Variants in TOMM40L observed in about 807,000 individuals in gnomAD.
The protein encoded by TOMM40L is translocase of outer mitochondrial membrane 40 like, also known as mitochondrial import receptor subunit TOM40B.
In TOMM40L, 17 loss-of-function variants were observed where a neutral mutation model predicts 38.3. The ratio of observed to expected loss-of-function variants is 0.44; its 90% CI spans 0.30 to 0.67. The LOEUF (loss-of-function observed/expected upper bound fraction) is 0.67. TOMM40L is among the 30% of genes least tolerant of loss of function. The pLI is 0.08. For synonymous variants in TOMM40L, 151 were observed against 150.2 expected (o/e 1.01, Z -0.04); for missense variants, 294 against 390.0 (o/e 0.75, Z 2.07).
At chr1:161,226,716 T>G in intron 2 of TOMM40L, 112 bp downstream of exon 2, 1 of 1,316,338 alleles carries the variant, frequency 7.6e-7, no homozygotes, top group Non-Finnish European at 1.1e-6. Flanking sequence ...AGCTGGGTCA[T>G]GCAGCCTCAG....
At chr1:161,226,992 C>T (rs1211534552) in intron 3 of TOMM40L, 37 bp downstream of exon 3, 3 of 1,610,364 alleles carry the variant, frequency 1.9e-6, no homozygotes, top group Non-Finnish European at 2.5e-6. Context: ...TACTATTCCC[C>T]CTTTCCTGTC....
intron 3 of TOMM40L, 130 bp from the exon 4 acceptor site, chr1:161,227,128 C>A: frequency 1.7e-6 from 2 of 1,171,960 alleles, no homozygotes; most frequent in Non-Finnish European, 2.5e-6. Context: ...ATCCGATGAC[C>A]TTCTCTGTAT....
chr1:161,227,274 A>G lies in TOMM40L; in HGVS notation c.200A>G (p.His67Arg), dbSNP rs1300683755. 2.5e-6 allele frequency: 4 copies of G among 1,614,062 alleles called. No individual in the cohort carries two copies. Among genetic ancestry groups the G allele is most frequent in the Non-Finnish European group, 3.4e-6 (4 of 1,180,034 alleles). Residue 67 changes from histidine to arginine, a missense_variant, in exon 4 of 10, where the codon CAC becomes CGC. By Grantham distance (29) the His-to-Arg change is conservative. Coordinates refer to ENST00000367988, the MANE Select transcript of TOMM40L (RefSeq NM_032174.6). ...TTTCCTCAGGTGGCGCACACTATAC[A>G]CATGAGTGCCCTGGGCTTGCCGGGA... is the stretch of plus-strand genomic sequence containing the variant. ...SSHFQVAHTI[H>R]MSALGLPGYH... is the part of the protein sequence containing the mutation.
chr1:161,227,375 A>G (rs772203480), intron 4 of TOMM40L, 25 bp downstream of exon 4: 1 of 1,609,846 alleles, frequency 6.2e-7, no homozygotes, highest in African/African-American at 1.3e-5. Context: ...CACCTGGGTC[A>G]TCTCCCTAAA....
At position 161,228,334 on chromosome 1, in the gene TOMM40L, G is replaced by A. The variant is rs1488248289; in HGVS notation, c.607+26G>A. On this transcript the variant is annotated intron_variant, in intron 7 of 9. Transcript: ENST00000367988. ...GTATGGGGCGAAGTGAAGTAGTGGT[G>A]GTGGTGGGGGGCAATTCTGGACTTT... is the stretch of plus-strand genomic sequence containing the variant. 9 of 1,608,398 alleles carry A rather than the reference G, an allele frequency of 5.6e-6. No homozygotes were observed. The South Asian group carries it at 6.6e-5, about 12-fold the overall frequency.
In TOMM40L at chr1:161,226,904, G is replaced by A. The variant is rs111822601; in HGVS notation, c.132G>A (p.Gln44=). Residue 44 remains glutamine, a synonymous_variant, in exon 3 of 10, where the codon CAG becomes CAA. Coordinates refer to ENST00000367988, the MANE Select transcript of TOMM40L (RefSeq NM_032174.6). Reference sequence around the variant, plus strand: ...CCCCTTCAGATGTATTCCCAGCACAGATGGAGGGAGTGAAGCTCGTTGTCA... The same window carrying A: ...CCCCTTCAGATGTATTCCCAGCACAAATGGAGGGAGTGAAGCTCGTTGTCA... The part of the protein sequence containing the change: ...HRLCKDVFPA[Q]MEGVKLVVNK... 14 of 1,614,030 alleles carry A rather than the reference G, an allele frequency of 8.7e-6. No individual in the cohort carries two copies. The highest frequency in any genetic ancestry group is 1.6e-4 in the Middle Eastern group (1 of 6,082).
chr1:161,230,670 A>G lies in TOMM40L; in HGVS notation c.*1575A>G, dbSNP rs1666974517. On this transcript the variant is annotated 3_prime_UTR_variant, in exon 10 of 10. Transcript: ENST00000367988. ...GATGCTGAAACGATGTGAGACAGGG[A>G]TGGCCAGGGGGAAGGACTAGACCCC... The G allele has an allele frequency of 8.1e-6, 8 of 993,382 alleles. 1 individual carries two copies. Among genetic ancestry groups the G allele is most frequent in the Non-Finnish European group, 1.0e-5 (7 of 674,598 alleles). 61.5% of individuals were successfully genotyped at this position (993,382 alleles called of 1,614,324 possible).
At position 161,230,727 on chromosome 1, in the gene TOMM40L, T is replaced by TA. The variant is rs201634883; in HGVS notation, c.*1639dup. ...CCTGAATTCCCTAAGGAAAGGACAG[T>TA]AAAAAAACATTCCTCCCAAGCTCAA... On this transcript the variant is annotated 3_prime_UTR_variant, in exon 10 of 10. Transcript: ENST00000367988. 1.1e-3 allele frequency: 1,682 copies of TA among 1,580,908 alleles called. 12 individuals are homozygous for TA. The African/African-American group carries it at 0.02, about 19-fold the overall frequency.
Position 161,230,106 on chromosome 1 carries a change from C to T in TOMM40L, c.*1011C>T, listed in dbSNP as rs916483992. The T allele has an allele frequency of 7.6e-6, 5 of 654,132 alleles. No individual in the cohort carries two copies. Among genetic ancestry groups the T allele is most frequent in the East Asian group, 2.9e-5 (1 of 34,826 alleles). The allele number at this position is 654,132 out of a possible 1,614,324, so 40.5% of individuals were successfully genotyped here. A position where few individuals can be genotyped will look rare whatever the true frequency, so the allele number is the denominator to read the frequency against. On this transcript the variant is annotated 3_prime_UTR_variant, in exon 10 of 10. Transcript: ENST00000367988. The stretch of plus-strand genomic sequence containing the variant: ...GTTCCAAAGGTCCTCCAGGGGGCCT[C>T]GGTCTGACACTGTCTTCTCTCACCA...
rs112674232 is a variant in TOMM40L at position 161,227,192 on chromosome 1, G to C, written c.184-66G>C. ...GCCCTCTGGATGGGGAAAAGACTAAGGGTGGGATGAGGGATTGAAGTGGAG... is the reference window on the plus strand; with the variant it reads ...GCCCTCTGGATGGGGAAAAGACTAACGGTGGGATGAGGGATTGAAGTGGAG... On this transcript the variant is annotated intron_variant, in intron 3 of 9. Transcript: ENST00000367988. The C allele has an allele frequency of 1.5e-5, 23 of 1,485,350 alleles. No individual in the cohort carries two copies. In the African/African-American group the frequency reaches 1.7e-4, roughly 11 times the overall value. The allele number at this position is 1,485,350 out of a possible 1,614,324, so 92.0% of individuals were successfully genotyped here. A position where few individuals can be genotyped will look rare whatever the true frequency, so the allele number is the denominator to read the frequency against.
At chr1:161,226,223 TG>T (rs1372336888) in intron 1 of TOMM40L, 87 bp downstream of exon 1, 2 of 411,468 alleles carry the variant, frequency 4.9e-6, no homozygotes, top group Non-Finnish European at 8.9e-6. Flanking sequence ...AAGTCTGTGG[TG>T]GGGGCTAGGA....
intron 1 of TOMM40L, 94 bp downstream of exon 1, chr1:161,226,230 T>C (rs1571641055): frequency 2.3e-6 from 1 of 443,354 alleles, no homozygotes; most frequent in East Asian, 4.2e-5. Context: ...TGGTGGGGGC[T>C]AGGATCAGAG....
intron 8 of TOMM40L, 24 bp from the exon 9 acceptor site, chr1:161,228,691 C>A: frequency 6.2e-7 from 1 of 1,613,408 alleles, no homozygotes; most frequent in South Asian, 1.1e-5. Flanking sequence ...TGATCTCTCT[C>A]TCATCCTTGC....
intron 3 of TOMM40L, 64 bp downstream of exon 3, chr1:161,227,019 C>T: frequency 6.3e-7 from 1 of 1,595,094 alleles, no homozygotes; most frequent in Non-Finnish European, 8.6e-7. Context: ...TCATCTTCTC[C>T]TTTCCTTTGT....
At position 161,228,518 on chromosome 1, in the gene TOMM40L, T is replaced by C; in HGVS notation, c.684+14T>C. On this transcript the variant is annotated intron_variant, in intron 8 of 9. Coordinates refer to ENST00000367988, the MANE Select transcript of TOMM40L (RefSeq NM_032174.6). ...GCAAATGAACAGGTGAGACCTCTGA[T>C]CTCATTCCCTCCTTGTCAGCAAGTC... The C allele has an allele frequency of 1.9e-6, 3 of 1,613,810 alleles. No individual in the cohort carries two copies. Among genetic ancestry groups the C allele is most frequent in the Non-Finnish European group, 2.5e-6 (3 of 1,179,766 alleles).
Position 161,226,346 on chromosome 1 carries a change from C to T in TOMM40L, c.-135-9C>T. ...TGAGTGCTCTCCTTCCCTACTCTTCCTGTTCCAGGTGTAGCGTCGGACCAT... is the reference window on the plus strand; with the variant it reads ...TGAGTGCTCTCCTTCCCTACTCTTCTTGTTCCAGGTGTAGCGTCGGACCAT... On this transcript the variant is annotated splice_polypyrimidine_tract_variant and intron_variant, in intron 1 of 9. Coordinates refer to ENST00000367988, the MANE Select transcript of TOMM40L (RefSeq NM_032174.6). 2 of 678,058 alleles carry T rather than the reference C, an allele frequency of 2.9e-6. No individual in the cohort carries two copies. The highest frequency in any genetic ancestry group is 1.9e-5 in the South Asian group (1 of 52,984). 42.0% of individuals were successfully genotyped at this position (678,058 alleles called of 1,614,324 possible).
intron 5 of TOMM40L, 69 bp downstream of exon 5, chr1:161,227,806 A>C: frequency 1.2e-6 from 2 of 1,603,108 alleles, no homozygotes; most frequent in South Asian, 2.2e-5. Flanking sequence ...TCCTGCTCTG[A>C]GGGCTTGGAA....
In TOMM40L at chr1:161,226,478, C is replaced by T. The variant is rs1050035673; in HGVS notation, c.-12C>T. ...AGGCTAACCTCGGCTCTTCCCAGTC[C>T]TCTGGACTAAAATGGGGAACACATT... On this transcript the variant is annotated 5_prime_UTR_variant, in exon 2 of 10. Transcript: ENST00000367988. 1.3e-5 allele frequency: 21 copies of T among 1,612,238 alleles called. No individual in the cohort carries two copies. Among genetic ancestry groups the T allele is most frequent in the Non-Finnish European group, 1.8e-5 (21 of 1,179,050 alleles).
rs115887165 is a variant in TOMM40L at position 161,228,932 on chromosome 1, A to G, written c.788-24A>G. The G allele has an allele frequency of 4.5e-4, 726 of 1,614,136 alleles. 3 individuals carry two copies. In the African/African-American group the frequency reaches 8.5e-3, roughly 19 times the overall value. ...TCCTCCAATCCCTGTTAAATAATCT[A>G]GTGGGTATTCTCTCCCCCAACAGGC... On this transcript the variant is annotated intron_variant, in intron 9 of 9. Transcript: ENST00000367988.
Sources: allele counts gnomAD v4.1 joint callset, GRCh38; gene constraint gnomAD v4.1.1; transcripts MANE v1.5; gene names NCBI Gene and HGNC (gene_info 2026-07-23, HGNC 2026-07-21).